The following PPP6C variants were observed in gnomAD, a reference collection of about 807,000 sequenced individuals.
PPP6C encodes the protein protein phosphatase 6 catalytic subunit.
PPP6C carries 11 observed loss-of-function variants against 39.8 expected under a neutral mutation model. The ratio of observed to expected loss-of-function variants is 0.28; its 90% CI spans 0.17 to 0.46. PPP6C has a LOEUF of 0.46. PPP6C is among the 20% of genes least tolerant of loss of function. The probability of loss-of-function intolerance (pLI) is 1.00; values close to 1 mark genes in which losing one functional copy is unlikely to be tolerated. For missense variants in PPP6C, 211 were observed against 373.9 expected (o/e 0.56, Z 3.59); for synonymous variants, 129 against 130.3 (o/e 0.99, Z 0.07).
At chr9:125,182,171 T>C (rs958792089) in intron 1 of PPP6C, among the ~76,000 whole-genome samples, 1 of 152,210 alleles carries the variant, frequency 6.6e-6, no homozygotes, top group South Asian at 2.1e-4. Context: ...CTCAAGACAT[T>C]TGTTCACAGT....
intron 1 of PPP6C, among the ~76,000 whole-genome samples, chr9:125,172,488 T>C (rs990807791): frequency 2.4e-4 from 37 of 152,104 alleles, no homozygotes; most frequent in African/African-American, 8.9e-4. Context: ...ATTACAGGCA[T>C]TGAGCCACTG....
At position 125,148,075 on chromosome 9, in the gene PPP6C, G is replaced by A. The variant is rs1165388005; in HGVS notation, c.*1598C>T. ...ATGTAAGGAGCTGGGTGGTTTGAGG[G>A]AAAAAAATTAAATCAAAACAGTATT... On this transcript the variant is annotated 3_prime_UTR_variant, in exon 7 of 7. Transcript: ENST00000373547. 1 of 185,966 alleles carries A rather than the reference G, an allele frequency of 5.4e-6. No homozygotes were observed. The highest frequency in any genetic ancestry group is 1.9e-4 in the East Asian group (1 of 5,196). The allele number at this position is 185,966 out of a possible 1,614,324, so 11.5% of individuals were successfully genotyped here.
intron 2 of PPP6C, among the ~76,000 whole-genome samples, chr9:125,168,064 C>T (rs1829064795): frequency 6.6e-6 from 1 of 152,174 alleles, no homozygotes; most frequent in Admixed American, 6.5e-5. Flanking sequence ...TCAGTATATT[C>T]TAGTGTCATT....
chr9:125,172,226 CTTTT>C (rs1271714306), intron 1 of PPP6C, among the ~76,000 whole-genome samples: 6 of 150,752 alleles, frequency 4.0e-5, no homozygotes, highest in African/African-American at 1.5e-4. Flanking sequence ...CTTTTTTTCC[CTTTT>C]TTTTTGAGAC....
chr9:125,188,210 C>G (rs1363264543), intron 1 of PPP6C, among the ~76,000 whole-genome samples: 1 of 151,468 alleles, frequency 6.6e-6, no homozygotes, highest in Non-Finnish European at 1.5e-5. Context: ...ACGGTGAAAC[C>G]CCGTCTCTAC....
rs1210507296 is a variant in PPP6C at position 125,148,624 on chromosome 9, AAGGTC to A, written c.*1044_*1048del. On this transcript the variant is annotated 3_prime_UTR_variant, in exon 7 of 7. Coordinates refer to ENST00000373547, the MANE Select transcript of PPP6C (RefSeq NM_002721.5). ...TAAAAATGAACACTTTCTAAAAGTTAAGGTCAAGTGTTACAGCAAGAGAAGAATGA... is the reference window on the plus strand; with the variant it reads ...TAAAAATGAACACTTTCTAAAAGTTAAAGTGTTACAGCAAGAGAAGAATGA... The A allele has an allele frequency of 6.6e-6, 1 of 152,224 alleles. No homozygotes were observed. The highest frequency in any genetic ancestry group is 2.4e-5 in the African/African-American group (1 of 41,472). The allele number at this position is 152,224 out of a possible 1,614,324, so 9.4% of individuals were successfully genotyped here.
intron 1 of PPP6C, among the ~76,000 whole-genome samples, chr9:125,183,712 C>T (rs1418575290): frequency 6.6e-6 from 1 of 152,158 alleles, no homozygotes; most frequent in East Asian, 1.9e-4. Flanking sequence ...ATTCTGTTTG[C>T]ATGTTCTTTC....
intron 3 of PPP6C, among the ~76,000 whole-genome samples, chr9:125,158,781 A>C (rs10986588): frequency 0.015 from 2,291 of 150,016 alleles, 107 homozygotes; most frequent in Admixed American, 0.083. Flanking sequence ...CTTGCCTCAG[A>C]CTCCTGAGTA....
At chr9:125,170,906 T>C (rs559909911) in intron 2 of PPP6C, among the ~76,000 whole-genome samples, 179 bp downstream of exon 2, 1 of 152,354 alleles carries the variant, frequency 6.6e-6, no homozygotes, top group South Asian at 2.1e-4. Flanking sequence ...ATTTGACCAC[T>C]GCTTTTATTC....
chr9:125,179,566 T>G (rs1356632789), intron 1 of PPP6C, among the ~76,000 whole-genome samples: 1 of 152,058 alleles, frequency 6.6e-6, no homozygotes, highest in Non-Finnish European at 1.5e-5. Flanking sequence ...CTCTGAGGCT[T>G]TGTACTTTCT....
Position 125,160,824 on chromosome 9 carries a change from C to A in PPP6C, c.237+17G>T. 6.6e-7 allele frequency: 1 copy of A among 1,525,868 alleles called. No individual in the cohort carries two copies. Among genetic ancestry groups the A allele is most frequent in the South Asian group, 1.2e-5 (1 of 81,778 alleles). The allele number at this position is 1,525,868 out of a possible 1,614,324, so 94.5% of individuals were successfully genotyped here. On this transcript the variant is annotated intron_variant, in intron 3 of 6. Transcript: ENST00000373547. ...TCCATTTTAAACAAGCACTTGATAT[C>A]ACTGGTGTTTACATACCATAAATAT...
At chr9:125,187,301 C>CA (rs1459898660) in intron 1 of PPP6C, among the ~76,000 whole-genome samples, 2 of 151,082 alleles carry the variant, frequency 1.3e-5, no homozygotes, top group African/African-American at 4.9e-5. Context: ...TTTTTTGAGA[C>CA]AGAGTCTTGC....
chr9:125,162,063 A>G (rs1301922911), intron 2 of PPP6C, among the ~76,000 whole-genome samples: 1 of 151,980 alleles, frequency 6.6e-6, no homozygotes, highest in Non-Finnish European at 1.5e-5. Context: ...CTTTTATAAC[A>G]ATGTTCCATA....
intron 6 of PPP6C, among the ~76,000 whole-genome samples, chr9:125,150,451 T>C (rs1009357961): frequency 3.9e-5 from 6 of 151,944 alleles, no homozygotes; most frequent in East Asian, 1.9e-4. Context: ...TGTGTTTTAA[T>C]TGAAAACAGT....
chr9:125,148,276 C>A lies in PPP6C; in HGVS notation c.*1397G>T, dbSNP rs1465033301. The A allele has an allele frequency of 1.3e-5, 2 of 152,168 alleles. No homozygotes were observed. The highest frequency in any genetic ancestry group is 2.9e-5 in the Non-Finnish European group (2 of 68,034). 9.4% of individuals were successfully genotyped at this position (152,168 alleles called of 1,614,324 possible). A position where few individuals can be genotyped will look rare whatever the true frequency, so the allele number is the denominator to read the frequency against. ...GTGCTTTATTAATTGGCTGGCTTCA[C>A]AAGTATTTCCTGGAATAACAAAAAT... On this transcript the variant is annotated 3_prime_UTR_variant, in exon 7 of 7. Transcript: ENST00000373547.
chr9:125,152,762 A>G (rs1052376235), intron 6 of PPP6C, among the ~76,000 whole-genome samples: 3 of 151,810 alleles, frequency 2.0e-5, no homozygotes, highest in African/African-American at 7.3e-5. Flanking sequence ...TCCAGGAGGC[A>G]GAGGTTGCAG....
rs1207218466 is a variant in PPP6C at position 125,149,651 on chromosome 9, G to A, written c.*22C>T. The A allele has an allele frequency of 3.1e-6, 5 of 1,609,572 alleles. No homozygotes were observed. The highest frequency in any genetic ancestry group is 4.2e-6 in the Non-Finnish European group (5 of 1,176,688). On this transcript the variant is annotated 3_prime_UTR_variant, in exon 7 of 7. Transcript: ENST00000373547. ...GGGTAAGAAGAGGGCAGAAAAATGG[G>A]TCAGCAGGATGGGCGAAGGCCTCAA...
At chr9:125,171,472 C>T (rs1381675260) in intron 1 of PPP6C, among the ~76,000 whole-genome samples, 424 of 32,198 alleles carry the variant, frequency 0.013, 12 homozygotes, top group Admixed American at 0.079. Context: ...CACACACACA[C>T]ACACACATAT....
intron 1 of PPP6C, among the ~76,000 whole-genome samples, chr9:125,187,812 A>G (rs909092153): frequency 2.0e-5 from 3 of 151,976 alleles, no homozygotes; most frequent in Admixed American, 1.3e-4. Context: ...AGAAGCCACA[A>G]AAGGAATGTC....
Sources: gnomAD v4.1 joint callset for allele counts (sites outside exome capture counted in the v4.1 genomes callset) on GRCh38, gnomAD v4.1.1 for gene constraint, MANE v1.5 for transcripts, NCBI Gene and HGNC (gene_info 2026-07-23, HGNC 2026-07-21) for gene names.